PTPRG: variants seen among roughly 807,000 people sequenced by gnomAD.
PTPRG encodes the protein protein tyrosine phosphatase receptor type G.
PTPRG carries 102 observed loss-of-function variants against 165.3 expected under a neutral mutation model. That is an observed-to-expected ratio of 0.62 (90% confidence interval 0.53 to 0.73). The LOEUF is 0.73. PTPRG is among the 30% of genes least tolerant of loss of function. The pLI, the probability that PTPRG is intolerant of heterozygous loss-of-function variation, is 0.00. For synonymous variants in PTPRG, 675 were observed against 669.5 expected (o/e 1.01, Z -0.13); for missense variants, 1,866 against 1,861.4 (o/e 1.00, Z -0.05).
intron 2 of PTPRG, among the ~76,000 whole-genome samples, chr3:61,837,208 T>A (rs1292092517): frequency 6.6e-6 from 1 of 152,152 alleles, no homozygotes; most frequent in Non-Finnish European, 1.5e-5. Flanking sequence ...CCACTGGACC[T>A]GGTTAATTTT....
At chr3:61,957,746 G>A (rs1004368468) in intron 2 of PTPRG, among the ~76,000 whole-genome samples, 5 of 152,196 alleles carry the variant, frequency 3.3e-5, no homozygotes, top group African/African-American at 9.7e-5. Flanking sequence ...CAGGCAATTT[G>A]TGAAGAGCCC....
intron 2 of PTPRG, among the ~76,000 whole-genome samples, chr3:61,805,435 A>G (rs960994912): frequency 1.3e-5 from 2 of 152,150 alleles, no homozygotes; most frequent in African/African-American, 4.8e-5. Flanking sequence ...TCAAGAAAAG[A>G]AAAACGCTGC....
intron 3 of PTPRG, among the ~76,000 whole-genome samples, chr3:61,996,068 G>A (rs2041034063): frequency 6.6e-6 from 1 of 151,982 alleles, no homozygotes; most frequent in African/African-American, 2.4e-5. Flanking sequence ...CCTTCTTCCT[G>A]TCTTCTTTCC....
intron 8 of PTPRG, among the ~76,000 whole-genome samples, chr3:62,182,857 A>G (rs1456089906): frequency 2.6e-5 from 4 of 152,110 alleles, no homozygotes; most frequent in Non-Finnish European, 1.5e-5. Flanking sequence ...GGGTTTCACC[A>G]TGTTGGCCAG....
intron 2 of PTPRG, among the ~76,000 whole-genome samples, chr3:61,759,192 T>C (rs961021381): frequency 6.6e-6 from 1 of 152,186 alleles, no homozygotes; most frequent in Non-Finnish European, 1.5e-5. Context: ...AACTTAACTG[T>C]CCTATGTTTC....
chr3:62,064,996 T>C (rs28521432), intron 4 of PTPRG, among the ~76,000 whole-genome samples: 4,640 of 152,220 alleles, frequency 0.03, 219 homozygotes, highest in African/African-American at 0.11. Context: ...CTTCCCAAAG[T>C]GCTGAGATTA....
At chr3:62,277,727 A>G (rs774960327) in intron 26 of PTPRG, 48 bp downstream of exon 26, 48 of 1,601,862 alleles carry the variant, frequency 3.0e-5, no homozygotes, top group Middle Eastern at 1.7e-4. Context: ...TGAGGCTACA[A>G]GCATAAATTA....
Position 61,579,427 on chromosome 3 carries a change from T to C in PTPRG, c.85+17055T>C, listed in dbSNP as rs550509938. On this transcript the variant is annotated intron_variant, in intron 1 of 29. Coordinates refer to ENST00000474889, the MANE Select transcript of PTPRG (RefSeq NM_002841.4). ...CTATTCCGACACGTGTTTTTTACAA[T>C]GTGGCTAACACAAACCATTTTTTGA... Among the ~76,000 whole-genome samples the C allele has an allele frequency of 9.2e-5, 14 of 152,354 alleles. 1 individual carries two copies. The South Asian group carries it at 2.9e-3, about 32-fold the overall frequency.
At chr3:62,067,038 C>T (rs171184) in intron 4 of PTPRG, among the ~76,000 whole-genome samples, 1 of 111,996 alleles carries the variant, frequency 8.9e-6, no homozygotes, top group East Asian at 2.7e-4. Context: ...GATTCTGACT[C>T]AAAAAAAAAA....
chr3:61,887,123 CATATATATATATATATAT>C lies in PTPRG; in HGVS notation c.191-102471_191-102454del, dbSNP rs148352398. Among the ~76,000 whole-genome samples, 54 of 85,946 alleles carry C rather than the reference CATATATATATATATATAT, an allele frequency of 6.3e-4. 4 individuals carry two copies. In the East Asian group the frequency reaches 0.011, roughly 18 times the overall value. The allele number at this position is 85,946 out of a possible 152,430, so 56.4% of individuals were successfully genotyped here. Reference sequence around the variant, plus strand: ...ATTTTTAAAGTATAACCATAGCATGCATATATATATATATATATATATATATATATATATATATATATA... The same window carrying C: ...ATTTTTAAAGTATAACCATAGCATGCATATATATATATATATATATATATA... On this transcript the variant is annotated intron_variant, in intron 2 of 29. Coordinates refer to ENST00000474889, the MANE Select transcript of PTPRG (RefSeq NM_002841.4).
At chr3:61,892,333 C>T (rs1164300092) in intron 2 of PTPRG, among the ~76,000 whole-genome samples, 1 of 152,176 alleles carries the variant, frequency 6.6e-6, no homozygotes, top group Admixed American at 6.5e-5. Flanking sequence ...CTCAAGTGAT[C>T]TTCCTGCCTC....
intron 2 of PTPRG, among the ~76,000 whole-genome samples, chr3:61,803,869 A>T (rs1332006007): frequency 6.6e-6 from 1 of 152,172 alleles, no homozygotes; most frequent in Non-Finnish European, 1.5e-5. Context: ...GGTCTTTTAT[A>T]CTTGCTCTAG....
chr3:61,989,522 T>C (rs1029486398), intron 2 of PTPRG, 103 bp from the exon 3 acceptor site: 17 of 1,080,708 alleles, frequency 1.6e-5, no homozygotes, highest in African/African-American at 9.4e-5. Flanking sequence ...CCTCTTTGGA[T>C]TGGGGACATG....
At chr3:61,968,900 C>G (rs1036499705) in intron 2 of PTPRG, among the ~76,000 whole-genome samples, 4 of 152,100 alleles carry the variant, frequency 2.6e-5, no homozygotes, top group Non-Finnish European at 5.9e-5. Context: ...TCATAGCTCA[C>G]CTTTATTTAA....
intron 1 of PTPRG, among the ~76,000 whole-genome samples, chr3:61,723,716 T>G (rs1332916560): frequency 6.6e-6 from 1 of 152,166 alleles, no homozygotes; most frequent in African/African-American, 2.4e-5. Context: ...CAGTACAATA[T>G]CAAAACCAGG....
chr3:62,272,382 A>G (rs1245500708), intron 21 of PTPRG, among the ~76,000 whole-genome samples: 1 of 152,232 alleles, frequency 6.6e-6, no homozygotes, highest in African/African-American at 2.4e-5. Flanking sequence ...CAGCCACAGT[A>G]AATGACTTTA....
intron 8 of PTPRG, among the ~76,000 whole-genome samples, chr3:62,169,123 C>G (rs183188176): frequency 3.3e-5 from 5 of 151,988 alleles, no homozygotes; most frequent in African/African-American, 7.3e-5. Context: ...TACAGGATAG[C>G]GGGATATGGC....
chr3:61,685,306 G>T (rs1320084022), intron 1 of PTPRG, among the ~76,000 whole-genome samples: 1 of 152,200 alleles, frequency 6.6e-6, no homozygotes, highest in Admixed American at 6.5e-5. Flanking sequence ...GGGCAAGTTA[G>T]TTTGGTTAGA....
intron 1 of PTPRG, among the ~76,000 whole-genome samples, chr3:61,712,769 ATC>A (rs1456457525): frequency 2.6e-5 from 4 of 152,220 alleles, no homozygotes; most frequent in African/African-American, 4.8e-5. Flanking sequence ...TAATACATCT[ATC>A]TCAAAGGAAT....
Sources: allele counts gnomAD v4.1 joint callset (sites outside exome capture counted in the v4.1 genomes callset), GRCh38; gene constraint gnomAD v4.1.1; transcripts MANE v1.5; gene names NCBI Gene and HGNC (gene_info 2026-07-23, HGNC 2026-07-21).